Variants in SLMAP observed in about 807,000 individuals in gnomAD.
SLMAP encodes the protein sarcolemma associated protein.
In SLMAP, 44 loss-of-function variants were observed where a neutral mutation model predicts 128.8. The observed-to-expected ratio is 0.34, with a 90% CI of 0.27 to 0.44. The LOEUF (loss-of-function observed/expected upper bound fraction) is 0.44, where lower values mean the gene tolerates loss of function less well. SLMAP is among the 20% of genes least tolerant of loss of function. SLMAP has a pLI of 1.00. For missense variants in SLMAP, 787 were observed against 985.3 expected (o/e 0.80, Z 2.69); for synonymous variants, 327 against 348.8 (o/e 0.94, Z 0.70).
intron 22 of SLMAP, chr3:57,918,627 A>G (rs2096858595): frequency 6.6e-6 from 1 of 152,258 alleles, no homozygotes; most frequent in Admixed American, 6.5e-5. Context: ...GATACTATAT[A>G]CTATAGTTTA....
intron 2 of SLMAP, among the ~76,000 whole-genome samples, chr3:57,789,043 C>G (rs559788559): frequency 6.6e-6 from 1 of 151,994 alleles, no homozygotes; most frequent in African/African-American, 2.4e-5. Flanking sequence ...CCTTGTATGT[C>G]GGGGGAAATG....
At chr3:57,900,848 T>G (rs1018940311) in intron 17 of SLMAP, 59 of 152,182 alleles carry the variant, frequency 3.9e-4, no homozygotes, top group Admixed American at 3.1e-3. Flanking sequence ...TTAAGGAATT[T>G]CAAGGCAAAT....
intron 22 of SLMAP, among the ~76,000 whole-genome samples, chr3:57,922,429 T>C (rs1055234008): frequency 6.0e-5 from 9 of 148,844 alleles, no homozygotes; most frequent in Non-Finnish European, 1.0e-4. Context: ...GCTTTTCTTT[T>C]TTTTTTTTTT....
At chr3:57,861,392 A>G (rs1204886447) in intron 9 of SLMAP, among the ~76,000 whole-genome samples, 1 of 152,218 alleles carries the variant, frequency 6.6e-6, no homozygotes, top group African/African-American at 2.4e-5. Context: ...GAACCACTGC[A>G]AAATTACCAC....
intron 2 of SLMAP, among the ~76,000 whole-genome samples, chr3:57,771,056 G>C (rs1314025703): frequency 6.6e-6 from 1 of 151,936 alleles, no homozygotes; most frequent in Non-Finnish European, 1.5e-5. Flanking sequence ...TCAGATTTCA[G>C]ATTTCAAATT....
At chr3:57,912,998 A>G (rs1329043026) in intron 20 of SLMAP, among the ~76,000 whole-genome samples, 160 bp from the exon 21 acceptor site, 1 of 152,220 alleles carries the variant, frequency 6.6e-6, no homozygotes, top group African/African-American at 2.4e-5. Flanking sequence ...CTTGAGGTAT[A>G]CATGCAAAGT....
chr3:57,849,964 A>G (rs1389258087), intron 6 of SLMAP, 148 bp downstream of exon 6: 5 of 603,040 alleles, frequency 8.3e-6, no homozygotes, highest in Non-Finnish European at 1.5e-5. Flanking sequence ...CTTTGAGGCC[A>G]AGAGTTTGAG....
chr3:57,827,749 T>C (rs2093025761), intron 2 of SLMAP, among the ~76,000 whole-genome samples: 1 of 152,176 alleles, frequency 6.6e-6, no homozygotes, highest in Non-Finnish European at 1.5e-5. Flanking sequence ...CTTCAACAGA[T>C]TCTTTATTTC....
chr3:57,866,794 G>A (rs2095314943), intron 13 of SLMAP, among the ~76,000 whole-genome samples: 1 of 152,032 alleles, frequency 6.6e-6, no homozygotes, highest in Non-Finnish European at 1.5e-5. Context: ...TGAGGTGGGA[G>A]GATCACTTGA....
chr3:57,762,323 C>G (rs7611646), intron 2 of SLMAP, among the ~76,000 whole-genome samples: 1 of 150,876 alleles, frequency 6.6e-6, no homozygotes, highest in African/African-American at 2.4e-5. Context: ...GAGCTGAGAT[C>G]GCGCCACTGC....
Position 57,827,809 on chromosome 3 carries a change from A to G in SLMAP, c.199-3574A>G, listed in dbSNP as rs1225272346. On this transcript the variant is annotated intron_variant, in intron 2 of 24. Transcript: ENST00000671191. Reference sequence around the variant, plus strand: ...TTTAAGAGGAGGGAATAAAAGCCTGATAGAAGAAGGTTATCAGCATAGAGG... The same window carrying G: ...TTTAAGAGGAGGGAATAAAAGCCTGGTAGAAGAAGGTTATCAGCATAGAGG... Among the ~76,000 whole-genome samples the G allele has an allele frequency of 4.6e-5, 7 of 152,162 alleles. No homozygotes were observed. In the East Asian group the frequency reaches 1.3e-3, roughly 29 times the overall value.
At chr3:57,916,184 T>G (rs1250371761) in intron 21 of SLMAP, among the ~76,000 whole-genome samples, 4 of 152,076 alleles carry the variant, frequency 2.6e-5, no homozygotes, top group Non-Finnish European at 5.9e-5. Context: ...ATCATAGAAT[T>G]TATTAACCTT....
intron 2 of SLMAP, among the ~76,000 whole-genome samples, chr3:57,790,536 T>A (rs1192643675): frequency 6.6e-6 from 1 of 152,250 alleles, no homozygotes; most frequent in Non-Finnish European, 1.5e-5. Flanking sequence ...AAATTCTACC[T>A]AATTTTATGT....
At chr3:57,772,057 T>C (rs1402500142) in intron 2 of SLMAP, among the ~76,000 whole-genome samples, 1 of 152,146 alleles carries the variant, frequency 6.6e-6, no homozygotes, top group Non-Finnish European at 1.5e-5. Context: ...CTTCAAGGAG[T>C]TTCTCGTTTA....
rs187593480 is a variant in SLMAP, at chr3:57,881,369, A to G, written c.1301-8672A>G. On this transcript the variant is annotated intron_variant, in intron 14 of 24. Transcript: ENST00000671191. Reference sequence around the variant, plus strand: ...AGATCTCTGATCTCACCTCGATTGTATGTATTACACTTGTGACTCCCAAAG... The same window carrying G: ...AGATCTCTGATCTCACCTCGATTGTGTGTATTACACTTGTGACTCCCAAAG... Among the ~76,000 whole-genome samples, 116 of 152,272 alleles carry G rather than the reference A, an allele frequency of 7.6e-4. 1 individual carries two copies. The highest frequency in any genetic ancestry group is 2.3e-3 in the African/African-American group (95 of 41,572).
At position 57,868,821 on chromosome 3, in the gene SLMAP, T is replaced by TAA. The variant is rs1553898688; in HGVS notation, c.1238-2812_1238-2811dup. On this transcript the variant is annotated intron_variant, in intron 13 of 24. Coordinates refer to ENST00000671191, the MANE Select transcript of SLMAP (RefSeq NM_001377540.1). ...ATATATATATATATATATATATATA[T>TAA]AAAATATATATATGTGTATTATATA... Among the ~76,000 whole-genome samples the TAA allele has an allele frequency of 8.6e-5, 11 of 128,406 alleles. No individual in the cohort carries two copies. In the South Asian group the frequency reaches 1.1e-3, roughly 13 times the overall value. 84.2% of individuals were successfully genotyped at this position (128,406 alleles called of 152,430 possible). A position where few individuals can be genotyped will look rare whatever the true frequency, so the allele number is the denominator to read the frequency against.
intron 10 of SLMAP, 90 bp downstream of exon 10, chr3:57,862,176 C>A (rs561015317): frequency 5.6e-6 from 6 of 1,062,052 alleles, no homozygotes; most frequent in Middle Eastern, 3.3e-4. Context: ...TTTAGCTGGG[C>A]GTGGGGTGGC....
intron 2 of SLMAP, among the ~76,000 whole-genome samples, chr3:57,830,896 T>C (rs1292121970): frequency 2.6e-5 from 4 of 152,250 alleles, no homozygotes; most frequent in African/African-American, 2.4e-5. Context: ...TGTTATAGCA[T>C]GTTATCAATA....
At chr3:57,864,463 G>GT in intron 10 of SLMAP, 85 bp from the exon 11 acceptor site, 2 of 817,664 alleles carry the variant, frequency 2.4e-6, no homozygotes, top group Non-Finnish European at 3.8e-6. Context: ...TTTCTTAGAA[G>GT]TTTAAGTGAA....
Sources: allele counts gnomAD v4.1 joint callset (sites outside exome capture counted in the v4.1 genomes callset), GRCh38; gene constraint gnomAD v4.1.1; transcripts MANE v1.5; gene names NCBI Gene and HGNC (gene_info 2026-07-23, HGNC 2026-07-21).